The following ADORA2B variants were observed in gnomAD, a reference collection of about 807,000 sequenced individuals.
ADORA2B encodes the protein adenosine receptor A2b.
In ADORA2B, 18 loss-of-function variants were observed where a neutral mutation model predicts 20.8. The observed-to-expected ratio is 0.87, with a 90% CI of 0.60 to 1.29. The LOEUF is 1.29. Among genes scored for constraint, ADORA2B ranks in the 50% most tolerant of loss-of-function variants. The pLI is 0.00. For synonymous variants in ADORA2B, 179 were observed against 178.3 expected (o/e 1.00, Z -0.03); for missense variants, 441 against 422.7 (o/e 1.04, Z -0.38).
chr17:15,926,907 G>C, the ADORA2B span, among the ~76,000 whole-genome samples: 1 of 152,032 alleles, frequency 6.6e-6, no homozygotes, highest in Non-Finnish European at 1.5e-5. Context: ...GGAGTTCGAA[G>C]CTACAGTGAG....
the ADORA2B span, among the ~76,000 whole-genome samples, chr17:15,907,585 C>T: frequency 6.6e-6 from 1 of 152,096 alleles, no homozygotes; most frequent in African/African-American, 2.4e-5. Context: ...TATGCGTGCT[C>T]AATACAAGCT....
the ADORA2B span, among the ~76,000 whole-genome samples, chr17:15,874,068 G>GTGTA: frequency 1.4e-5 from 1 of 73,050 alleles, no homozygotes; most frequent in East Asian, 3.2e-4. Flanking sequence ...ATGTGTGTGT[G>GTGTA]TATATATATA....
chr17:15,967,162 C>T (rs1053580901), intron 1 of ADORA2B, among the ~76,000 whole-genome samples: 2 of 151,730 alleles, frequency 1.3e-5, no homozygotes, highest in African/African-American at 4.8e-5. Context: ...CAGAGCCCTC[C>T]TGAGATGCCA....
intron 1 of ADORA2B, chr17:15,974,263 T>C (rs767201647): frequency 5.9e-6 from 1 of 169,170 alleles, no homozygotes; most frequent in Non-Finnish European, 1.3e-5. Context: ...GAGAAACCTT[T>C]AGGCCAAATT....
At chr17:15,904,752 G>A in the ADORA2B span, among the ~76,000 whole-genome samples, 2 of 152,094 alleles carry the variant, frequency 1.3e-5, no homozygotes, top group African/African-American at 2.4e-5. Flanking sequence ...TAAAGTATCG[G>A]TTTTGGGTTT....
chr17:15,933,863 A>C, the ADORA2B span, among the ~76,000 whole-genome samples: 1 of 151,672 alleles, frequency 6.6e-6, no homozygotes, highest in Non-Finnish European at 1.5e-5. Flanking sequence ...TTTTGGCTTT[A>C]TTTCCCTGGC....
At chr17:15,896,944 G>C in the ADORA2B span, among the ~76,000 whole-genome samples, 10 of 152,166 alleles carry the variant, frequency 6.6e-5, no homozygotes, top group African/African-American at 2.2e-4. Context: ...ACATTTTTCA[G>C]CTTCTTTAGT....
the ADORA2B span, among the ~76,000 whole-genome samples, chr17:15,857,889 A>C: frequency 6.6e-6 from 1 of 151,734 alleles, no homozygotes; most frequent in African/African-American, 2.4e-5. Flanking sequence ...AATGTCTTCA[A>C]GGCTCATTTA....
the ADORA2B span, among the ~76,000 whole-genome samples, chr17:15,878,968 C>G: frequency 6.6e-6 from 1 of 152,064 alleles, no homozygotes; most frequent in East Asian, 1.9e-4. Flanking sequence ...TGTGGGAAAT[C>G]TCTACTTGAT....
the ADORA2B span, among the ~76,000 whole-genome samples, chr17:15,931,746 T>C: frequency 4.3e-3 from 660 of 152,276 alleles, 6 homozygotes; most frequent in African/African-American, 0.015. Context: ...TTTTCTCTTT[T>C]TTTTTGAGAT....
At chr17:15,949,262 C>T (rs1268225886) in intron 1 of ADORA2B, among the ~76,000 whole-genome samples, 1 of 152,052 alleles carries the variant, frequency 6.6e-6, no homozygotes, top group Non-Finnish European at 1.5e-5. Context: ...CCTGTAATCC[C>T]AGTGCTTTGG....
the ADORA2B span, among the ~76,000 whole-genome samples, chr17:15,913,060 A>G: frequency 6.6e-6 from 1 of 152,184 alleles, no homozygotes; most frequent in East Asian, 1.9e-4. Flanking sequence ...GAGGCTCCCA[A>G]CGTGCCCCCT....
At chr17:15,867,846 C>T in the ADORA2B span, among the ~76,000 whole-genome samples, 15 of 151,680 alleles carry the variant, frequency 9.9e-5, no homozygotes, top group Non-Finnish European at 2.1e-4. Context: ...CCCCTCTGCC[C>T]GGCCACCACC....
chr17:15,896,822 T>C, the ADORA2B span, among the ~76,000 whole-genome samples: 1 of 152,176 alleles, frequency 6.6e-6, no homozygotes, highest in African/African-American at 2.4e-5. Flanking sequence ...TCCCTCCTAT[T>C]TTTTCCCTTT....
the ADORA2B span, among the ~76,000 whole-genome samples, chr17:15,865,265 G>T: frequency 5.9e-5 from 9 of 151,964 alleles, no homozygotes; most frequent in South Asian, 2.1e-4. Context: ...TGTTTTTTTT[G>T]TTGTTGTTGT....
At chr17:15,935,831 G>T in the ADORA2B span, among the ~76,000 whole-genome samples, 5 of 147,086 alleles carry the variant, frequency 3.4e-5, no homozygotes, top group Non-Finnish European at 7.5e-5. Context: ...ATTCGCTGTT[G>T]TGCCCTTCTA....
the ADORA2B span, among the ~76,000 whole-genome samples, chr17:15,935,706 A>G: frequency 6.6e-6 from 1 of 151,878 alleles, no homozygotes; most frequent in Non-Finnish European, 1.5e-5. Flanking sequence ...GATATCTCCA[A>G]GGTCTCTGAA....
chr17:15,897,115 A>G, the ADORA2B span, among the ~76,000 whole-genome samples: 1 of 152,206 alleles, frequency 6.6e-6, no homozygotes, highest in Non-Finnish European at 1.5e-5. Flanking sequence ...GAGTGGAAAC[A>G]ATATTTGAAG....
the ADORA2B span, among the ~76,000 whole-genome samples, chr17:15,886,911 C>G: frequency 1.5e-5 from 2 of 130,206 alleles, 1 homozygote; most frequent in African/African-American, 6.5e-5. Context: ...CCAGCACTGC[C>G]TGAGCTGCTG....
Sources: gnomAD v4.1 joint callset for allele counts (sites outside exome capture counted in the v4.1 genomes callset) on GRCh38, gnomAD v4.1.1 for gene constraint, MANE v1.5 for transcripts, NCBI Gene and HGNC (gene_info 2026-07-23, HGNC 2026-07-21) for gene names.